Variants in SYT10 observed in about 807,000 individuals in gnomAD.
The protein encoded by SYT10 is synaptotagmin 10, also known as synaptotagmin-10.
In SYT10, 31 loss-of-function variants were observed where a neutral mutation model predicts 51.1. The ratio of observed to expected loss-of-function variants is 0.61; its 90% CI spans 0.46 to 0.82. The LOEUF (loss-of-function observed/expected upper bound fraction) is 0.82, where lower values mean the gene tolerates loss of function less well. Among genes scored for constraint, SYT10 ranks in the 40% least tolerant of loss-of-function variants. The probability of loss-of-function intolerance (pLI) is 0.00; values close to 1 mark genes in which losing one functional copy is unlikely to be tolerated. For missense variants in SYT10, 603 were observed against 634.0 expected, an observed-to-expected ratio of 0.95 and a Z score of 0.53; for synonymous variants, 233 against 225.9, an observed-to-expected ratio of 1.03 and a Z score of -0.28.
intron 5 of SYT10, among the ~76,000 whole-genome samples, chr12:33,380,898 C>A (rs1866108400): frequency 6.6e-6 from 1 of 152,134 alleles, no homozygotes; most frequent in South Asian, 2.1e-4. Flanking sequence ...GATTTTAGAA[C>A]AATTTCATTA....
In SYT10 at chr12:33,426,571, T is replaced by G. The variant is rs1403184691; in HGVS notation, c.152-76A>C. ...GCAGAAATGGAAAGAATATTTTACA[T>G]CATAATTGTTATTATTTCCTGATTC... On this transcript the variant is annotated intron_variant, in intron 1 of 6. Coordinates refer to ENST00000228567, the MANE Select transcript of SYT10 (RefSeq NM_198992.4). 5.0e-6 allele frequency: 6 copies of G among 1,198,080 alleles called. No individual in the cohort carries two copies. In the South Asian group the frequency reaches 1.1e-4, roughly 22 times the overall value. 74.2% of individuals were successfully genotyped at this position (1,198,080 alleles called of 1,614,324 possible).
intron 3 of SYT10, among the ~76,000 whole-genome samples, chr12:33,393,859 G>A (rs546596805): frequency 1.7e-3 from 258 of 152,252 alleles, no homozygotes; most frequent in African/African-American, 5.8e-3. Context: ...CATATAGTAC[G>A]TGCCTTCATT....
chr12:33,413,841 C>T (rs1020025654), intron 2 of SYT10, among the ~76,000 whole-genome samples: 6 of 152,106 alleles, frequency 3.9e-5, no homozygotes, highest in African/African-American at 7.2e-5. Context: ...CAATATTAAT[C>T]TTAAATGTAA....
rs754356796 is a variant in SYT10 at position 33,376,817 on chromosome 12, C to G, written c.*13G>C. 6.2e-7 allele frequency: 1 copy of G among 1,613,938 alleles called. No individual in the cohort carries two copies. Among genetic ancestry groups the G allele is most frequent in the East Asian group, 2.2e-5 (1 of 44,872 alleles). On this transcript the variant is annotated 3_prime_UTR_variant, in exon 7 of 7. Transcript: ENST00000228567. ...TCCTAGATGCTTAATATCATGGTCT[C>G]ATTTTGGAGGCATTATGGTGTGGAA...
intron 6 of SYT10, among the ~76,000 whole-genome samples, chr12:33,378,905 T>C (rs1290413350): frequency 6.6e-6 from 1 of 152,094 alleles, no homozygotes; most frequent in Non-Finnish European, 1.5e-5. Context: ...TACTAAATTA[T>C]GAAGTCAGAT....
rs1177161920 is a variant in SYT10, at chr12:33,439,373, T to A, written c.150A>T (p.Thr50=). The stretch of plus-strand genomic sequence containing the variant: ...CGCGAGCGGAGCCCTCCCGGTTACC[T>A]GTGCTGCTTCCGCCCTGGCTGCCCC... The part of the protein sequence containing the change: ...RDRGSQGGSS[T]DISVSLLAVV... Residue 50 remains threonine (T), a splice_region_variant and synonymous_variant, in exon 1 of 7, where the codon ACA becomes ACT. Transcript: ENST00000228567. 1.2e-6 allele frequency: 2 copies of A among 1,612,490 alleles called. No homozygotes were observed. The highest frequency in any genetic ancestry group is 1.7e-6 in the Non-Finnish European group (2 of 1,179,498).
At chr12:33,398,792 C>A (rs1256000375) in intron 3 of SYT10, among the ~76,000 whole-genome samples, 1 of 152,116 alleles carries the variant, frequency 6.6e-6, no homozygotes, top group Non-Finnish European at 1.5e-5. Context: ...CTGTGCTAAT[C>A]ACTTATGTTA....
At chr12:33,435,666 T>A (rs558703036) in intron 1 of SYT10, among the ~76,000 whole-genome samples, 1 of 152,322 alleles carries the variant, frequency 6.6e-6, no homozygotes, top group African/African-American at 2.4e-5. Flanking sequence ...GTTATGGTGA[T>A]TAAAAAATGA....
chr12:33,376,531 T>A lies in SYT10; in HGVS notation c.*299A>T. The A allele has an allele frequency of 2.7e-6, 1 of 372,918 alleles. No individual in the cohort carries two copies. Among genetic ancestry groups the A allele is most frequent in the Non-Finnish European group, 4.9e-6 (1 of 202,064 alleles). The allele number at this position is 372,918 out of a possible 1,614,324, so 23.1% of individuals were successfully genotyped here. ...TTTAATTTTAGGTAAGTATGAACTG[T>A]TTAAAAAAACATTTCATATGCAAAG... On this transcript the variant is annotated 3_prime_UTR_variant, in exon 7 of 7. Transcript: ENST00000228567.
At chr12:33,388,980 A>G (rs1185048889) in intron 3 of SYT10, among the ~76,000 whole-genome samples, 2 of 152,252 alleles carry the variant, frequency 1.3e-5, no homozygotes, top group Non-Finnish European at 2.9e-5. Context: ...TAAAGCCTCC[A>G]TAACTAGAAG....
At chr12:33,417,116 T>C (rs986667872) in intron 2 of SYT10, among the ~76,000 whole-genome samples, 24 of 152,046 alleles carry the variant, frequency 1.6e-4, no homozygotes, top group South Asian at 2.1e-4. Context: ...AGTGAGAAGG[T>C]ATAAAATGGT....
rs569120212 is a variant in SYT10 at position 33,426,613 on chromosome 12, A to T, written c.152-118T>A. 15 of 926,938 alleles carry T rather than the reference A, an allele frequency of 1.6e-5. No individual in the cohort carries two copies. The African/African-American group carries it at 2.2e-4, about 13-fold the overall frequency. The allele number at this position is 926,938 out of a possible 1,614,324, so 57.4% of individuals were successfully genotyped here. ...TCCTGATTCAGAATTTCAAAAACTCAATTTTAAGTTATCTTTGTAGGAAGA... is the reference window on the plus strand; with the variant it reads ...TCCTGATTCAGAATTTCAAAAACTCTATTTTAAGTTATCTTTGTAGGAAGA... On this transcript the variant is annotated intron_variant, in intron 1 of 6. Coordinates refer to ENST00000228567, the MANE Select transcript of SYT10 (RefSeq NM_198992.4).
At position 33,379,955 on chromosome 12, in the gene SYT10, T is replaced by A. The variant is rs1466497361; in HGVS notation, c.1377A>T (p.Gly459=). ...SIAVMDYDRV[G]HNEVIGVCRT... is the part of the protein sequence containing the mutation. ...TGCACACTCCTATGACCTCATTGTGTCCTACCCTATGATTTGTGGGATATT... is the reference window on the plus strand; with the variant it reads ...TGCACACTCCTATGACCTCATTGTGACCTACCCTATGATTTGTGGGATATT... The change falls in exon 6 of 7, where the codon GGA becomes GGT. Residue 459 remains glycine (G), a synonymous_variant. Coordinates refer to ENST00000228567, the MANE Select transcript of SYT10 (RefSeq NM_198992.4). 6.2e-7 allele frequency: 1 copy of A among 1,607,562 alleles called. No individual in the cohort carries two copies. Among genetic ancestry groups the A allele is most frequent in the African/African-American group, 1.3e-5 (1 of 74,846 alleles).
At position 33,407,013 on chromosome 12, in the gene SYT10, T is replaced by G; in HGVS notation, c.853A>C (p.Thr285Pro). ...TTTAAAGTCTTTCTGTGCACGCGGG[T>G]CTGAAATTTCTTTTTCCTATCTGGA... ...LLPDRKKKFQ[T>P]RVHRKTLNPL... Residue 285 changes from threonine to proline, a missense_variant, in exon 3 of 7, where the codon ACC becomes CCC. By Grantham distance (38) the Thr-to-Pro change is conservative. Transcript: ENST00000228567. 1.9e-6 allele frequency: 3 copies of G among 1,614,112 alleles called. No individual in the cohort carries two copies. Among genetic ancestry groups the G allele is most frequent in the Non-Finnish European group, 2.5e-6 (3 of 1,180,004 alleles).
intron 2 of SYT10, among the ~76,000 whole-genome samples, chr12:33,423,660 T>C (rs1206286950): frequency 1.3e-5 from 2 of 152,128 alleles, no homozygotes; most frequent in East Asian, 3.9e-4. Flanking sequence ...AGATTTTTAA[T>C]TGAGTATGAT....
chr12:33,385,184 A>G lies in SYT10; in HGVS notation c.1185T>C (p.Ile395=), dbSNP rs1449620609. 1 of 1,613,532 alleles carries G rather than the reference A, an allele frequency of 6.2e-7. No individual in the cohort carries two copies. Among genetic ancestry groups the G allele is most frequent in the Non-Finnish European group, 8.5e-7 (1 of 1,179,712 alleles). The change falls in exon 4 of 7, where the codon ATT becomes ATC. Residue 395 remains isoleucine, a synonymous_variant. Transcript: ENST00000228567. ...IKCRNLKAMD[I]TGSSDPYVKV... ...TTGTGTACATACCTGATGAGCCAGTAATATCCATCGCCTTCAGATTTCTGC... is the reference window on the plus strand; with the variant it reads ...TTGTGTACATACCTGATGAGCCAGTGATATCCATCGCCTTCAGATTTCTGC...
intron 4 of SYT10, among the ~76,000 whole-genome samples, 196 bp downstream of exon 4, chr12:33,384,975 T>A (rs1191089479): frequency 6.6e-6 from 1 of 152,200 alleles, no homozygotes; most frequent in Non-Finnish European, 1.5e-5. Context: ...ATCTATTTGA[T>A]AACACCTTTT....
At chr12:33,437,944 T>C (rs1295744238) in intron 1 of SYT10, among the ~76,000 whole-genome samples, 1 of 151,842 alleles carries the variant, frequency 6.6e-6, no homozygotes, top group African/African-American at 2.4e-5. Context: ...ACTGAGAAAA[T>C]TTTAAAGTTT....
At chr12:33,405,961 T>C (rs1348868344) in intron 3 of SYT10, 1 of 151,820 alleles carries the variant, frequency 6.6e-6, no homozygotes, top group Non-Finnish European at 1.5e-5. Flanking sequence ...AAATGGATCA[T>C]GTATTTCAAC....
Sources: allele counts gnomAD v4.1 joint callset (sites outside exome capture counted in the v4.1 genomes callset), GRCh38; gene constraint gnomAD v4.1.1; transcripts MANE v1.5; gene names NCBI Gene and HGNC (gene_info 2026-07-23, HGNC 2026-07-21).